TMEM178B: variants seen among roughly 807,000 people sequenced by gnomAD.
TMEM178B encodes transmembrane protein 178B.
In TMEM178B, 5 loss-of-function variants were observed where a neutral mutation model predicts 31.0. The ratio of observed to expected loss-of-function variants is 0.16; its 90% CI spans 0.08 to 0.34. The LOEUF (loss-of-function observed/expected upper bound fraction) is 0.34, where lower values mean the gene tolerates loss of function less well. Ranked by LOEUF, TMEM178B falls within the 10% of genes least tolerant of loss-of-function variation. The pLI, the probability that TMEM178B is intolerant of heterozygous loss-of-function variation, is 1.00. For synonymous variants in TMEM178B, 164 were observed against 164.0 expected, an observed-to-expected ratio of 1.00 and a Z score of 0.00; for missense variants, 275 against 400.3, an observed-to-expected ratio of 0.69 and a Z score of 2.67.
chr7:141,216,923 C>G (rs1797162077), intron 2 of TMEM178B, among the ~76,000 whole-genome samples: 1 of 152,098 alleles, frequency 6.6e-6, no homozygotes, highest in Non-Finnish European at 1.5e-5. Flanking sequence ...TGACCCAGAT[C>G]CTCTGGCTGC....
intron 2 of TMEM178B, among the ~76,000 whole-genome samples, chr7:141,286,866 A>G (rs145614776): frequency 9.3e-4 from 142 of 152,328 alleles, no homozygotes; most frequent in African/African-American, 3.3e-3. Flanking sequence ...GGGACTTTTA[A>G]TGACATTTAT....
chr7:141,272,210 C>T (rs774118605), intron 2 of TMEM178B, among the ~76,000 whole-genome samples: 2 of 152,192 alleles, frequency 1.3e-5, no homozygotes, highest in Admixed American at 6.5e-5. Context: ...TTCCCATCTC[C>T]TGCAGTGGTT....
chr7:141,137,626 A>G (rs1291159454), intron 1 of TMEM178B, among the ~76,000 whole-genome samples: 1 of 152,230 alleles, frequency 6.6e-6, no homozygotes, highest in Non-Finnish European at 1.5e-5. Context: ...GGGTGGCTAT[A>G]GTTAACCATA....
chr7:141,350,437 A>T (rs546010215), intron 2 of TMEM178B, among the ~76,000 whole-genome samples: 2 of 152,180 alleles, frequency 1.3e-5, no homozygotes, highest in South Asian at 2.1e-4. Flanking sequence ...GGGCTGTATC[A>T]TTATTGTCCG....
intron 2 of TMEM178B, among the ~76,000 whole-genome samples, chr7:141,305,998 T>C (rs1357141752): frequency 6.6e-6 from 1 of 152,160 alleles, no homozygotes; most frequent in Non-Finnish European, 1.5e-5. Flanking sequence ...TCTCTTGAAA[T>C]ACTCTCAAGG....
At chr7:141,270,374 G>A (rs946191763) in intron 2 of TMEM178B, among the ~76,000 whole-genome samples, 12 of 152,180 alleles carry the variant, frequency 7.9e-5, no homozygotes, top group African/African-American at 2.9e-4. Context: ...GCTCACCGCA[G>A]CCTCTGCCTC....
At chr7:141,093,484 TAGGACCG>T (rs1363867821) in intron 1 of TMEM178B, among the ~76,000 whole-genome samples, 2 of 152,174 alleles carry the variant, frequency 1.3e-5, no homozygotes, top group African/African-American at 4.8e-5. Context: ...GCTGGATATA[TAGGACCG>T]AGTTTGGGGG....
intron 2 of TMEM178B, among the ~76,000 whole-genome samples, chr7:141,432,133 T>A (rs1801441458): frequency 6.9e-6 from 1 of 145,422 alleles, no homozygotes; most frequent in Non-Finnish European, 1.5e-5. Flanking sequence ...TCTTTTTCTC[T>A]CCTTCACTGC....
the TMEM178B span, among the ~76,000 whole-genome samples, chr7:141,501,986 T>G: frequency 6.6e-6 from 1 of 152,164 alleles, no homozygotes; most frequent in African/African-American, 2.4e-5. Flanking sequence ...GCACGTGTCC[T>G]CACCTTGTAC....
intron 1 of TMEM178B, among the ~76,000 whole-genome samples, chr7:141,081,830 G>A (rs1227377373): frequency 1.3e-5 from 2 of 152,118 alleles, no homozygotes; most frequent in Non-Finnish European, 2.9e-5. Context: ...TAATGTCCTA[G>A]GACCTCACTT....
chr7:141,306,233 G>A (rs760031338), intron 2 of TMEM178B, among the ~76,000 whole-genome samples: 10 of 152,152 alleles, frequency 6.6e-5, no homozygotes, highest in Non-Finnish European at 1.2e-4. Context: ...TGCCAAGTGC[G>A]AGTAAGAGGC....
At chr7:141,304,568 C>T (rs1798785360) in intron 2 of TMEM178B, among the ~76,000 whole-genome samples, 1 of 152,174 alleles carries the variant, frequency 6.6e-6, no homozygotes, top group African/African-American at 2.4e-5. Flanking sequence ...GCTGTGACCA[C>T]CATCATCTAT....
intron 1 of TMEM178B, among the ~76,000 whole-genome samples, chr7:141,096,019 A>T (rs1325742351): frequency 6.6e-6 from 1 of 152,226 alleles, no homozygotes; most frequent in Non-Finnish European, 1.5e-5. Flanking sequence ...ATATCCTACA[A>T]GGCCACTACT....
chr7:141,247,638 G>A (rs1370782004), intron 2 of TMEM178B, among the ~76,000 whole-genome samples: 2 of 152,118 alleles, frequency 1.3e-5, no homozygotes, highest in African/African-American at 4.8e-5. Context: ...TTCTAGTGGA[G>A]GATGCAGAGG....
chr7:141,410,735 A>G (rs1247843184), intron 2 of TMEM178B, among the ~76,000 whole-genome samples: 1 of 152,116 alleles, frequency 6.6e-6, no homozygotes, highest in African/African-American at 2.4e-5. Flanking sequence ...CAAACTCTGA[A>G]AGAACTTTGA....
At chr7:141,343,068 G>A (rs372969450) in intron 2 of TMEM178B, among the ~76,000 whole-genome samples, 4 of 152,160 alleles carry the variant, frequency 2.6e-5, no homozygotes, top group Non-Finnish European at 2.9e-5. Context: ...CACTAGGCCC[G>A]GGCTGAGGCC....
chr7:141,245,997 C>A (rs778278731), intron 2 of TMEM178B, among the ~76,000 whole-genome samples: 3 of 151,614 alleles, frequency 2.0e-5, no homozygotes, highest in Non-Finnish European at 4.4e-5. Flanking sequence ...GGAAATGATG[C>A]GATTTTTTTT....
At chr7:141,379,142 G>A (rs1800269562) in intron 2 of TMEM178B, among the ~76,000 whole-genome samples, 2 of 152,112 alleles carry the variant, frequency 1.3e-5, no homozygotes, top group South Asian at 2.1e-4. Flanking sequence ...TGGACTGCCA[G>A]TTAACAGAGT....
intron 2 of TMEM178B, among the ~76,000 whole-genome samples, chr7:141,374,404 C>T (rs1416100011): frequency 6.6e-6 from 1 of 152,154 alleles, no homozygotes; most frequent in Non-Finnish European, 1.5e-5. Flanking sequence ...AGATACGCAG[C>T]ATAGACAACA....
Sources: allele counts gnomAD v4.1 joint callset (sites outside exome capture counted in the v4.1 genomes callset), GRCh38; gene constraint gnomAD v4.1.1; transcripts MANE v1.5; gene names NCBI Gene and HGNC (gene_info 2026-07-23, HGNC 2026-07-21).